LIN28B: variants seen among roughly 807,000 people sequenced by gnomAD.
LIN28B encodes the protein protein lin-28 homolog B.
In LIN28B, 5 loss-of-function variants were observed where a neutral mutation model predicts 21.9. The ratio of observed to expected loss-of-function variants is 0.23; its 90% CI spans 0.12 to 0.48. The LOEUF (loss-of-function observed/expected upper bound fraction) is 0.48, where lower values mean the gene tolerates loss of function less well. LIN28B is among the 20% of genes least tolerant of loss of function. The pLI, the probability that LIN28B is intolerant of heterozygous loss-of-function variation, is 0.98. For missense variants in LIN28B, 245 were observed against 310.5 expected, an observed-to-expected ratio of 0.79 and a Z score of 1.58; for synonymous variants, 109 against 111.3, an observed-to-expected ratio of 0.98 and a Z score of 0.13.
chr6:104,996,860 G>A (rs1278186346), intron 2 of LIN28B, among the ~76,000 whole-genome samples: 1 of 152,168 alleles, frequency 6.6e-6, no homozygotes, highest in African/African-American at 2.4e-5. Context: ...GCATGCACCC[G>A]TGGTCCCAGC....
chr6:105,068,377 T>C (rs564643596), intron 3 of LIN28B, among the ~76,000 whole-genome samples: 6 of 152,338 alleles, frequency 3.9e-5, no homozygotes, highest in African/African-American at 1.4e-4. Flanking sequence ...TAGCAGACAA[T>C]GTGTCTAGTT....
rs562757000 is a variant in LIN28B, at chr6:105,007,788, C to T, written c.199-18510C>T. 1.2e-4 allele frequency among the ~76,000 whole-genome samples: 18 copies of T among 151,326 alleles called. 1 individual carries two copies. The highest frequency in any genetic ancestry group is 6.8e-3 in the Middle Eastern group (2 of 292). The stretch of plus-strand genomic sequence containing the variant: ...CATAGGCATGAGCCAAGATGCCTGG[C>T]CCCTTTTTTAATATTTATTTTTTAA... On this transcript the variant is annotated intron_variant, in intron 2 of 3. Transcript: ENST00000345080.
At chr6:105,073,045 C>T (rs1772362654) in intron 3 of LIN28B, among the ~76,000 whole-genome samples, 1 of 152,038 alleles carries the variant, frequency 6.6e-6, no homozygotes, top group Non-Finnish European at 1.5e-5. Context: ...CAGATTGCTT[C>T]CATCAATATG....
chr6:104,939,354 T>C (rs914817932), intron 2 of LIN28B: 10 of 152,224 alleles, frequency 6.6e-5, no homozygotes, highest in African/African-American at 2.4e-4. Context: ...ATCTTTAAAG[T>C]AAGTGGTATT....
chr6:104,960,640 TTAA>T (rs1223092017), intron 2 of LIN28B, among the ~76,000 whole-genome samples: 2 of 152,094 alleles, frequency 1.3e-5, no homozygotes, highest in Non-Finnish European at 2.9e-5. Context: ...TGAAACATTT[TTAA>T]TAATGTATAT....
chr6:104,985,750 T>C (rs1368653966), intron 2 of LIN28B, among the ~76,000 whole-genome samples: 1 of 152,210 alleles, frequency 6.6e-6, no homozygotes, highest in Non-Finnish European at 1.5e-5. Flanking sequence ...TGCTGTGTTT[T>C]CTTCCACACA....
At chr6:104,957,326 T>G in intron 1 of LIN28B, 66 bp downstream of exon 1, 4 of 953,490 alleles carry the variant, frequency 4.2e-6, no homozygotes, top group Non-Finnish European at 4.4e-6. Context: ...CCTCCCCCTC[T>G]CCCACCCTTC....
chr6:105,070,634 A>ACACACACACACACACACAC (rs1206857492), intron 3 of LIN28B, among the ~76,000 whole-genome samples: 1 of 150,938 alleles, frequency 6.6e-6, no homozygotes, highest in African/African-American at 2.4e-5. Context: ...ACACACACAC[A>ACACACACACACACACACAC]CACACACTGG....
intron 2 of LIN28B, among the ~76,000 whole-genome samples, chr6:105,001,843 C>A (rs1770726947): frequency 6.6e-6 from 1 of 152,124 alleles, no homozygotes; most frequent in South Asian, 2.1e-4. Flanking sequence ...CGATCTCTAG[C>A]TGGAAGAGAA....
At chr6:105,012,646 A>G (rs1770948289) in intron 2 of LIN28B, among the ~76,000 whole-genome samples, 1 of 152,208 alleles carries the variant, frequency 6.6e-6, no homozygotes, top group Admixed American at 6.5e-5. Context: ...TATGATGTGT[A>G]TCCCAGTGAT....
chr6:105,032,292 G>A (rs1771441341), intron 3 of LIN28B, among the ~76,000 whole-genome samples: 1 of 152,032 alleles, frequency 6.6e-6, no homozygotes, highest in Non-Finnish European at 1.5e-5. Flanking sequence ...TGCATAATAA[G>A]GTCATATATG....
chr6:104,965,495 T>C (rs6900292), intron 2 of LIN28B, among the ~76,000 whole-genome samples: 97,624 of 152,126 alleles, frequency 0.64, 31,629 homozygotes, highest in South Asian at 0.72. Context: ...TGCACTCCAG[T>C]CTGGACGACA....
intron 3 of LIN28B, among the ~76,000 whole-genome samples, chr6:105,063,442 C>T (rs1302276051): frequency 6.6e-6 from 1 of 152,166 alleles, no homozygotes; most frequent in Non-Finnish European, 1.5e-5. Context: ...TCAAGACCAG[C>T]CTGGCCAACA....
At chr6:105,021,161 A>G (rs1207401341) in intron 2 of LIN28B, among the ~76,000 whole-genome samples, 1 of 151,970 alleles carries the variant, frequency 6.6e-6, no homozygotes, top group Non-Finnish European at 1.5e-5. Flanking sequence ...CACTTAAGAT[A>G]ATGACCTGCA....
At position 105,054,688 on chromosome 6, in the gene LIN28B, G is replaced by A. The variant is rs111742623; in HGVS notation, c.384-23726G>A. On this transcript the variant is annotated intron_variant, in intron 3 of 3. Transcript: ENST00000345080. ...GAAAGCAATCAACTTAGTCCTAGGA[G>A]CTCTGAGGAATGGAGGGACATTCAT... Among the ~76,000 whole-genome samples, 189 of 152,320 alleles carry A rather than the reference G, an allele frequency of 1.2e-3. 2 individuals are homozygous for A. Among genetic ancestry groups the A allele is most frequent in the African/African-American group, 4.4e-3 (184 of 41,570 alleles).
At chr6:105,072,584 T>C (rs968822433) in intron 3 of LIN28B, among the ~76,000 whole-genome samples, 2 of 152,148 alleles carry the variant, frequency 1.3e-5, no homozygotes, top group Admixed American at 1.3e-4. Context: ...TAGGAAACTT[T>C]TTAAAAGAAC....
At chr6:104,959,599 A>G (rs1041221996) in intron 2 of LIN28B, among the ~76,000 whole-genome samples, 6 of 152,270 alleles carry the variant, frequency 3.9e-5, no homozygotes, top group Admixed American at 6.5e-5. Context: ...TTATATGTGG[A>G]AGGATCAGCA....
chr6:105,010,362 C>CAAA (rs143121695), intron 2 of LIN28B, among the ~76,000 whole-genome samples: 1 of 104,526 alleles, frequency 9.6e-6, no homozygotes, highest in African/African-American at 3.5e-5. Flanking sequence ...GACCCTGACT[C>CAAA]AAAAAAAAAA....
intron 2 of LIN28B, chr6:104,940,568 T>G (rs1778069849): frequency 6.7e-6 from 1 of 150,248 alleles, no homozygotes; most frequent in Non-Finnish European, 1.5e-5. Context: ...AGGTTCAATC[T>G]CGCGCGCTCG....
Sources: gnomAD v4.1 joint callset for allele counts (sites outside exome capture counted in the v4.1 genomes callset) on GRCh38, gnomAD v4.1.1 for gene constraint, MANE v1.5 for transcripts, NCBI Gene and HGNC (gene_info 2026-07-23, HGNC 2026-07-21) for gene names.